Variants in NOD2 observed in about 807,000 individuals in gnomAD.
NOD2 encodes nucleotide binding oligomerization domain containing 2, also known as nucleotide-binding oligomerization domain-containing protein 2.
Under a neutral mutation model 90.9 loss-of-function variants are expected in NOD2, and 86 were observed. That is an observed-to-expected ratio of 0.95 (90% CI 0.79 to 1.13). NOD2 has a LOEUF of 1.13. Ranked by LOEUF, NOD2 falls within the 50% of genes most tolerant of loss-of-function variation. The probability of loss-of-function intolerance (pLI) is 0.00; values close to 1 mark genes in which losing one functional copy is unlikely to be tolerated. For synonymous variants in NOD2, 581 were observed against 554.6 expected, an observed-to-expected ratio of 1.05 and a Z score of -0.67; for missense variants, 1,238 against 1,283.8, an observed-to-expected ratio of 0.96 and a Z score of 0.55.
chr16:50,723,629 A>T (rs1344611748), intron 9 of NOD2, among the ~76,000 whole-genome samples: 1 of 152,176 alleles, frequency 6.6e-6, no homozygotes, highest in Non-Finnish European at 1.5e-5. Flanking sequence ...CTGCCTCCAC[A>T]TGGCATAAGT....
intron 11 of NOD2, among the ~76,000 whole-genome samples, chr16:50,730,400 A>G (rs1965414223): frequency 6.6e-6 from 1 of 152,242 alleles, no homozygotes; most frequent in Admixed American, 6.5e-5. Flanking sequence ...TGCCTTAAAA[A>G]GAATGACTAG....
At chr16:50,697,139 G>GATCCC in intron 1 of NOD2, 1 of 1,016,234 alleles carries the variant, frequency 9.8e-7, no homozygotes, top group African/African-American at 1.6e-5. Context: ...GGTGGGGTTG[G>GATCCC]TAGACAGATC....
At position 50,711,027 on chromosome 16, in the gene NOD2, C is replaced by T. The variant is rs1567390984; in HGVS notation, c.1035C>T (p.Asp345=). 6.2e-7 allele frequency: 1 copy of T among 1,614,220 alleles called. No homozygotes were observed. The highest frequency in any genetic ancestry group is 1.7e-5 in the Admixed American group (1 of 60,028). ...DIFQLLLDHP[D]RVLLTFDGFD... is the part of the protein sequence containing the mutation. ...TCCAGTTACTCCTTGACCACCCTGA[C>T]CGTGTCCTGTTAACCTTTGATGGCT... Residue 345 remains aspartate, a synonymous_variant, in exon 4 of 12, where the codon GAC becomes GAT. Transcript: ENST00000647318.
Position 50,699,811 on chromosome 16 carries a change from G to A in NOD2, c.316G>A (p.Asp106Asn). ...WDPHSLHPAR[D>N]LQSHRPAIVR... ...CCCCCACTCGCTCCACCCAGCCCGA[G>A]ACCTGCAGAGTCACCGGCCAGCCAT... Residue 106 changes from aspartate to asparagine, a missense_variant, in exon 2 of 12, where the codon GAC becomes AAC. Asp to Asn is a conservative substitution (Grantham distance 23). This residue lies in a region of NOD2 where 567 missense variants were observed against 577.3 expected (regional missense o/e 0.98). Coordinates refer to ENST00000647318, the MANE Select transcript of NOD2 (RefSeq NM_001370466.1). 3 of 1,613,666 alleles carry A rather than the reference G, an allele frequency of 1.9e-6. No individual in the cohort carries two copies. Among genetic ancestry groups the A allele is most frequent in the Non-Finnish European group, 2.5e-6 (3 of 1,179,990 alleles).
In NOD2 at chr16:50,712,160, A is replaced by G; in HGVS notation, c.2168A>G (p.Gln723Arg). 1.2e-6 allele frequency: 2 copies of G among 1,614,136 alleles called. No individual in the cohort carries two copies. Among genetic ancestry groups the G allele is most frequent in the Non-Finnish European group, 1.7e-6 (2 of 1,180,046 alleles). The change falls in exon 4 of 12, where the codon CAG becomes CGG. Residue 723 changes from glutamine to arginine, a missense_variant. Around this residue, in one of 3 missense-constraint regions of NOD2, gnomAD observed 667 missense variants for 688.7 expected, o/e 0.97. Transcript: ENST00000647318. ...CTCATCCGGAGCCTGTACGAGATGC[A>G]GGAGGAGCGGCTGGCTCGGAAGGCT... Reference protein sequence around the residue: ...IWLIRSLYEMQEERLARKAAR... With the variant: ...IWLIRSLYEMREERLARKAAR...
chr16:50,698,154 C>T (rs939133226), intron 1 of NOD2: 4 of 152,400 alleles, frequency 2.6e-5, no homozygotes, highest in Non-Finnish European at 4.4e-5. Context: ...CTTTCACTTT[C>T]GTTTCTTCGG....
chr16:50,699,387 C>A, intron 1 of NOD2, 101 bp from the exon 2 acceptor site: 2 of 936,578 alleles, frequency 2.1e-6, no homozygotes, highest in Non-Finnish European at 3.5e-6. Context: ...AGAACCATGG[C>A]CAACTCGGGT....
chr16:50,707,756 T>C, intron 2 of NOD2, 99 bp from the exon 3 acceptor site: 1 of 859,428 alleles, frequency 1.2e-6, no homozygotes, highest in Non-Finnish European at 2.0e-6. Context: ...TTATTCTGGA[T>C]GGAAGAGAGA....
Position 50,731,308 on chromosome 16 carries a change from A to G in NOD2, c.2970-439A>G, listed in dbSNP as rs559613171. On this transcript the variant is annotated intron_variant, in intron 11 of 11. Transcript: ENST00000647318. Reference sequence around the variant, plus strand: ...TAGGTTTTCTGTTTCTTTGTTTTTGAAACCATTGCACAGTCCTAAGAAACA... The same window carrying G: ...TAGGTTTTCTGTTTCTTTGTTTTTGGAACCATTGCACAGTCCTAAGAAACA... Among the ~76,000 whole-genome samples, 60 of 152,324 alleles carry G rather than the reference A, an allele frequency of 3.9e-4. 2 individuals carry two copies. In the South Asian group the frequency reaches 0.012, roughly 32 times the overall value.
At chr16:50,715,892 G>A (rs1295927251) in intron 4 of NOD2, 1 of 153,548 alleles carries the variant, frequency 6.5e-6, no homozygotes, top group African/African-American at 2.4e-5. Flanking sequence ...ACAGATTCCT[G>A]GGCCCCACCC....
Position 50,716,968 on chromosome 16 carries a change from C to T in NOD2, c.2543C>T (p.Ala848Val). 6.2e-7 allele frequency: 1 copy of T among 1,614,200 alleles called. No homozygotes were observed. Among genetic ancestry groups the T allele is most frequent in the Non-Finnish European group, 8.5e-7 (1 of 1,179,984 alleles). Residue 848 changes from alanine (A) to valine (V), a missense_variant, in exon 6 of 12, where the codon GCA (alanine) becomes GTA (valine). This residue lies in a region of NOD2 where 667 missense variants were observed against 688.7 expected (regional missense o/e 0.97). Coordinates refer to ENST00000647318, the MANE Select transcript of NOD2 (RefSeq NM_001370466.1). ...CTTGCATGCAGGCAGAACTTCTTGG[C>T]ATTGAGGTGAGCCCAGGTTTTCCTT... ...KLLACRQNFLALRLGNNYITA... is the reference protein window; with the variant it reads ...KLLACRQNFLVLRLGNNYITA...
In NOD2 at chr16:50,697,413, T is replaced by G. The variant is rs1277172521; in HGVS notation, c.-8-2075T>G. ...CCCAGGCCTGGGGTCAGATGGGGAG[T>G]GCTGACTCTGTTTCTGGGCTGTTTT... On this transcript the variant is annotated intron_variant, in intron 1 of 11. Transcript: ENST00000647318. 6 of 1,137,220 alleles carry G rather than the reference T, an allele frequency of 5.3e-6. No individual in the cohort carries two copies. In the Admixed American group the frequency reaches 5.9e-5, roughly 11 times the overall value. The allele number at this position is 1,137,220 out of a possible 1,614,324, so 70.4% of individuals were successfully genotyped here.
chr16:50,710,410 A>G, intron 3 of NOD2, 148 bp from the exon 4 acceptor site: 1 of 1,012,688 alleles, frequency 9.9e-7, no homozygotes, highest in Non-Finnish European at 1.5e-6. Flanking sequence ...CAAAGTGCAC[A>G]GCTTGTGAAT....
At chr16:50,728,664 G>A (rs1965349927) in intron 10 of NOD2, among the ~76,000 whole-genome samples, 1 of 152,182 alleles carries the variant, frequency 6.6e-6, no homozygotes, top group Non-Finnish European at 1.5e-5. Flanking sequence ...AATTGGCATT[G>A]CCTTAGGGTC....
chr16:50,710,768 G>T lies in NOD2; in HGVS notation c.776G>T (p.Gly259Val). Residue 259 changes from glycine to valine, a missense_variant, in exon 4 of 12, where the codon GGC becomes GTC. Transcript: ENST00000647318. ...LGLEELFSTP[G>V]HLNDDADTVL... is the part of the protein sequence containing the mutation. ...CTGGAGGAGCTCTTCAGCACCCCTG[G>T]CCACCTCAATGACGATGCGGACACT... The T allele has an allele frequency of 6.2e-7, 1 of 1,614,068 alleles. No homozygotes were observed. Among genetic ancestry groups the T allele is most frequent in the Non-Finnish European group, 8.5e-7 (1 of 1,180,014 alleles).
intron 4 of NOD2, among the ~76,000 whole-genome samples, chr16:50,715,189 G>A (rs1018385770): frequency 2.0e-5 from 3 of 152,082 alleles, no homozygotes; most frequent in Non-Finnish European, 4.4e-5. Context: ...GTACAACCTT[G>A]GCAAAGTCAC....
At chr16:50,696,847 C>T (rs1184709157) in intron 1 of NOD2, among the ~76,000 whole-genome samples, 2 of 152,254 alleles carry the variant, frequency 1.3e-5, no homozygotes, top group African/African-American at 4.8e-5. Context: ...CGGGCCTCCC[C>T]TTCCTGGTGT....
chr16:50,721,462 A>T (rs774001810), intron 7 of NOD2, among the ~76,000 whole-genome samples: 7 of 143,314 alleles, frequency 4.9e-5, no homozygotes, highest in Admixed American at 6.9e-5. Context: ...GGTCATTATG[A>T]CCTCTTTATT....
Position 50,712,073 on chromosome 16 carries a change from C to T in NOD2, c.2081C>T (p.Ser694Phe). The change falls in exon 4 of 12, where the codon TCC (serine) becomes TTC (phenylalanine). Residue 694 changes from serine to phenylalanine, a missense_variant. Physicochemically the swap from Ser to Phe is radical, Grantham distance 155. This residue lies in a region of NOD2 where 667 missense variants were observed against 688.7 expected (regional missense o/e 0.97). Coordinates refer to ENST00000647318, the MANE Select transcript of NOD2 (RefSeq NM_001370466.1). ...LARSLRKHFH[S>F]IPPAAPGEAK... ...CGCAGCCTCCGCAAGCACTTCCACT[C>T]CATCCCGCCAGCTGCACCGGGTGAG... 6.2e-7 allele frequency: 1 copy of T among 1,613,542 alleles called. No homozygotes were observed. Among genetic ancestry groups the T allele is most frequent in the Non-Finnish European group, 8.5e-7 (1 of 1,179,870 alleles).
Sources: gnomAD v4.1 joint callset for allele counts (sites outside exome capture counted in the v4.1 genomes callset) on GRCh38, gnomAD v4.1.1 for gene constraint, gnomAD v4.1.1 regional missense constraint, MANE v1.5 for transcripts, NCBI Gene and HGNC (gene_info 2026-07-23, HGNC 2026-07-21) for gene names.